NAA16: variants seen among roughly 807,000 people sequenced by gnomAD.
NAA16 encodes NARG1-like protein.
NAA16 carries 97 observed loss-of-function variants against 110.3 expected under a neutral mutation model. The ratio of observed to expected loss-of-function variants is 0.88; its 90% confidence interval spans 0.75 to 1.04. The LOEUF (loss-of-function observed/expected upper bound fraction) is 1.04, where lower values mean the gene tolerates loss of function less well. Among genes scored for constraint, NAA16 ranks in the 50% least tolerant of loss-of-function variants. NAA16 has a pLI of 0.00. For synonymous variants in NAA16, 372 were observed against 330.6 expected (o/e 1.13, Z -1.36); for missense variants, 1,017 against 1,005.1 (o/e 1.01, Z -0.16).
At chr13:41,323,652 A>ATT (rs149585307) in intron 5 of NAA16, among the ~76,000 whole-genome samples, 3 of 137,278 alleles carry the variant, frequency 2.2e-5, no homozygotes, top group African/African-American at 2.7e-5. Flanking sequence ...GCGCCCGGCC[A>ATT]TTTTTTTTTT....
intron 3 of NAA16, 55 bp downstream of exon 3, chr13:41,318,965 C>A: frequency 1.7e-6 from 2 of 1,184,746 alleles, no homozygotes; most frequent in South Asian, 1.6e-5. Flanking sequence ...TTTCCTAATT[C>A]AAATTAAATT....
Position 41,331,341 on chromosome 13 carries a change from CAGA to C in NAA16, c.883_885del (p.Arg295del). 1 of 1,608,120 alleles carries C rather than the reference CAGA, an allele frequency of 6.2e-7. No individual in the cohort carries two copies. Among genetic ancestry groups the C allele is most frequent in the Non-Finnish European group, 8.5e-7 (1 of 1,176,232 alleles). ...AGCAGCACCCCAAAGCAATTACACC[CAGA>C]AGATTACCTTTGACTCTTGTCCCAG... On this transcript the variant is annotated inframe_deletion, in exon 8 of 20. Transcript: ENST00000379406.
At chr13:41,313,027 C>T (rs1426012896) in intron 1 of NAA16, among the ~76,000 whole-genome samples, 1 of 151,484 alleles carries the variant, frequency 6.6e-6, no homozygotes, top group Non-Finnish European at 1.5e-5. Flanking sequence ...ATGATAATAT[C>T]ATTTATAAAT....
intron 6 of NAA16, among the ~76,000 whole-genome samples, chr13:41,327,079 A>G (rs541101925): frequency 3.3e-5 from 5 of 152,034 alleles, no homozygotes; most frequent in Non-Finnish European, 7.4e-5. Flanking sequence ...CCTGAGAAAG[A>G]TTGGCTTTTT....
rs1430747910 is a variant in NAA16 at position 41,372,760 on chromosome 13, C to G, written c.2085C>G (p.Val695=). The change falls in exon 17 of 20, where the codon GTC becomes GTG. Residue 695 remains valine (V), a synonymous_variant. Transcript: ENST00000379406. ...AGTTTCTGTTAATGCTGCAGTCTGT[C>G]AAACGAGCTTTTGCCATTAACAGTA... ...KGKFLLMLQS[V]KRAFAINSNN... 2 of 1,603,002 alleles carry G rather than the reference C, an allele frequency of 1.2e-6. No homozygotes were observed. Among genetic ancestry groups the G allele is most frequent in the Admixed American group, 3.4e-5 (2 of 59,202 alleles).
intron 11 of NAA16, 31 bp from the exon 12 acceptor site, chr13:41,358,779 A>G: frequency 6.5e-7 from 1 of 1,542,384 alleles, no homozygotes; most frequent in African/African-American, 1.4e-5. Context: ...TCTTGATTAT[A>G]AATTGTGGTT....
chr13:41,373,393 G>T (rs1012966567), intron 17 of NAA16: 4 of 274,914 alleles, frequency 1.5e-5, no homozygotes, highest in African/African-American at 9.2e-5. Context: ...GAGTAGCTGG[G>T]ACTACAGTTG....
chr13:41,331,443 T>C, intron 8 of NAA16, 74 bp downstream of exon 8: 3 of 1,101,332 alleles, frequency 2.7e-6, no homozygotes, highest in Non-Finnish European at 4.0e-6. Context: ...TTTAGAAACG[T>C]GTTTCTGGTA....
intron 1 of NAA16, among the ~76,000 whole-genome samples, chr13:41,312,212 T>A (rs183166872): frequency 6.6e-6 from 1 of 152,378 alleles, no homozygotes; most frequent in Non-Finnish European, 1.5e-5. Flanking sequence ...AGTGCGTTTC[T>A]GAGTTGTCAC....
At chr13:41,341,528 C>T (rs765505890) in intron 9 of NAA16, among the ~76,000 whole-genome samples, 2 of 152,006 alleles carry the variant, frequency 1.3e-5, no homozygotes, top group East Asian at 3.9e-4. Context: ...ACAAGCCTGG[C>T]AACATAACAG....
intron 6 of NAA16, 67 bp from the exon 7 acceptor site, chr13:41,328,657 G>C: frequency 1.5e-6 from 2 of 1,331,492 alleles, no homozygotes; most frequent in Non-Finnish European, 2.1e-6. Flanking sequence ...ATAATGTTTA[G>C]TGAAGTCCCT....
intron 9 of NAA16, among the ~76,000 whole-genome samples, chr13:41,348,823 C>G (rs2042752401): frequency 1.3e-5 from 2 of 152,088 alleles, no homozygotes; most frequent in South Asian, 4.1e-4. Context: ...TATTCAAACT[C>G]TTCATTACTG....
Position 41,341,835 on chromosome 13 carries a change from CCT to C in NAA16, c.1014+5080_1014+5081del, listed in dbSNP as rs1491382922. 1.2e-4 allele frequency among the ~76,000 whole-genome samples: 4 copies of C among 34,644 alleles called. No individual in the cohort carries two copies. In the Admixed American group the frequency reaches 1.4e-3, roughly 12 times the overall value. 22.7% of individuals were successfully genotyped at this position (34,644 alleles called of 152,430 possible). On this transcript the variant is annotated intron_variant, in intron 9 of 19. Coordinates refer to ENST00000379406, the MANE Select transcript of NAA16 (RefSeq NM_024561.5). ...CTTTCACATATTATATCAGACCAAACCTTTTTTTTTTTTTGAGACGGAGTCTC... is the reference window on the plus strand; with the variant it reads ...CTTTCACATATTATATCAGACCAAACTTTTTTTTTTTTGAGACGGAGTCTC...
At chr13:41,361,202 T>C (rs776164987) in intron 12 of NAA16, among the ~76,000 whole-genome samples, 4 of 152,212 alleles carry the variant, frequency 2.6e-5, no homozygotes, top group Non-Finnish European at 5.9e-5. Flanking sequence ...TTATTGAGCC[T>C]GAATTAACAA....
intron 15 of NAA16, among the ~76,000 whole-genome samples, chr13:41,369,995 T>C (rs904290721): frequency 8.5e-5 from 13 of 152,312 alleles, no homozygotes; most frequent in African/African-American, 3.1e-4. Context: ...TATGGAATCA[T>C]TTTACCTTAT....
intron 15 of NAA16, among the ~76,000 whole-genome samples, chr13:41,371,686 G>A (rs1346950376): frequency 1.3e-5 from 2 of 152,150 alleles, no homozygotes; most frequent in Non-Finnish European, 2.9e-5. Context: ...CATGTTATTG[G>A]TAAGGCTTCC....
At chr13:41,373,068 G>T (rs899531588) in intron 17 of NAA16, 30 of 827,200 alleles carry the variant, frequency 3.6e-5, no homozygotes, top group Non-Finnish European at 4.2e-5. Flanking sequence ...AAAGAGATTT[G>T]CAATAACGTA....
At chr13:41,363,046 T>C (rs1476409345) in intron 13 of NAA16, among the ~76,000 whole-genome samples, 1 of 152,194 alleles carries the variant, frequency 6.6e-6, no homozygotes. Context: ...TGTTTTTGTT[T>C]TTTGTTTGTT....
Position 41,358,950 on chromosome 13 carries a change from C to CA in NAA16, c.1400dup (p.Phe468ValfsTer14). ...TAAAAGAAGCAGAGGAAATGTGCTC[C>CA]AAGTTCACAAGGGTAGGAAATAGCA... On this transcript the variant is annotated frameshift_variant, in exon 12 of 20. Coordinates refer to ENST00000379406, the MANE Select transcript of NAA16 (RefSeq NM_024561.5). LOFTEE classifies it high-confidence loss of function. 1 of 1,605,038 alleles carries CA rather than the reference C, an allele frequency of 6.2e-7. No homozygotes were observed.
Sources: gnomAD v4.1 joint callset for allele counts (sites outside exome capture counted in the v4.1 genomes callset) on GRCh38, gnomAD v4.1.1 for gene constraint, MANE v1.5 for transcripts, NCBI Gene and HGNC (gene_info 2026-07-23, HGNC 2026-07-21) for gene names.